TTC6: variants seen among roughly 807,000 people sequenced by gnomAD.
TTC6 encodes the protein tetratricopeptide repeat domain 6, also known as tetratricopeptide repeat protein 6.
In TTC6, 172 loss-of-function variants were observed where a neutral mutation model predicts 210.4. That is an observed-to-expected ratio of 0.82 (90% CI 0.72 to 0.93). The LOEUF (loss-of-function observed/expected upper bound fraction) is 0.93, where lower values mean the gene tolerates loss of function less well. Ranked by LOEUF, TTC6 falls within the 40% of genes least tolerant of loss-of-function variation. The pLI is 0.00. For missense variants in TTC6, 2,414 were observed against 2,318.1 expected (o/e 1.04, Z -0.85); for synonymous variants, 804 against 819.6 (o/e 0.98, Z 0.32).
At position 37,749,858 on chromosome 14, in the gene TTC6, G is replaced by C; in HGVS notation, c.2956+15G>C. The C allele has an allele frequency of 7.5e-7, 1 of 1,336,008 alleles. No homozygotes were observed. Among genetic ancestry groups the C allele is most frequent in the South Asian group, 2.0e-5 (1 of 48,920 alleles). 82.8% of individuals were successfully genotyped at this position (1,336,008 alleles called of 1,614,324 possible). Reference sequence around the variant, plus strand: ...AAATAATACAGGTGGGTTGTCTGTAGAGACAGTTATATTACCTACATTTTG... The same window carrying C: ...AAATAATACAGGTGGGTTGTCTGTACAGACAGTTATATTACCTACATTTTG... On this transcript the variant is annotated intron_variant, in intron 12 of 30. Transcript: ENST00000553443.
intron 6 of TTC6, among the ~76,000 whole-genome samples, chr14:37,717,972 C>T (rs2095855376): frequency 1.3e-5 from 2 of 152,168 alleles, no homozygotes; most frequent in African/African-American, 2.4e-5. Flanking sequence ...GGCCTTTCTG[C>T]CTTCCACCAT....
chr14:37,703,208 GC>G (rs1290470498), intron 5 of TTC6, among the ~76,000 whole-genome samples: 3 of 151,880 alleles, frequency 2.0e-5, no homozygotes, highest in Admixed American at 2.0e-4. Context: ...AGGACTTACA[GC>G]TATAATTATT....
chr14:37,824,103 G>T, intron 27 of TTC6, 146 bp downstream of exon 29: 1 of 788,828 alleles, frequency 1.3e-6, no homozygotes, highest in Non-Finnish European at 2.0e-6. Context: ...AGTAGCAGTG[G>T]GAGCAGGGGT....
At chr14:37,781,136 A>G (rs9968924) in intron 14 of TTC6, among the ~76,000 whole-genome samples, 1 of 152,178 alleles carries the variant, frequency 6.6e-6, no homozygotes, top group African/African-American at 2.4e-5. Flanking sequence ...TCCTTTGTGT[A>G]TATGCCCAGT....
chr14:37,792,385 T>C, exon 17 of TTC6: 1 of 1,517,378 alleles, frequency 6.6e-7, no homozygotes, highest in Non-Finnish European at 8.8e-7. Flanking sequence ...TATTCAAAGC[T>C]ATCTTTGTCG....
chr14:37,781,279 C>T (rs751949030), intron 14 of TTC6, among the ~76,000 whole-genome samples: 6 of 152,268 alleles, frequency 3.9e-5, no homozygotes, highest in South Asian at 2.1e-4. Flanking sequence ...TCCACAACCT[C>T]CCCAGCATCT....
At chr14:37,656,517 G>A (rs985854121) in intron 1 of TTC6, among the ~76,000 whole-genome samples, 2 of 6,882 alleles carry the variant, frequency 2.9e-4, no homozygotes, top group Admixed American at 1.8e-3. Context: ...GTGTGTGCGT[G>A]TGTGTGTGTG....
chr14:37,627,851 A>T (rs1273663207), intron 1 of TTC6, among the ~76,000 whole-genome samples: 5 of 152,120 alleles, frequency 3.3e-5, no homozygotes, highest in Admixed American at 3.3e-4. Flanking sequence ...CTGGTTCTAG[A>T]TCCTTGAGGA....
rs566178349 is a variant in TTC6, at chr14:37,600,495, TC to T, written c.-235+4493del. Among the ~76,000 whole-genome samples the T allele has an allele frequency of 3.6e-3, 537 of 150,146 alleles. 4 individuals carry two copies. Among genetic ancestry groups the T allele is most frequent in the African/African-American group, 0.012 (485 of 40,674 alleles). The stretch of plus-strand genomic sequence containing the variant: ...GCCCCCGCCAATCCACTCGCGCCCC[TC>T]CCCCCACACACCCAGGAGCTTTCCC... On this transcript the variant is annotated intron_variant, in intron 1 of 2. Coordinates refer to the TTC6 transcript ENST00000556845.
intron 14 of TTC6, among the ~76,000 whole-genome samples, chr14:37,780,862 A>G (rs1428676070): frequency 6.6e-6 from 1 of 152,058 alleles, no homozygotes; most frequent in Non-Finnish European, 1.5e-5. Flanking sequence ...CCCAGTTATG[A>G]GTGAGAATAT....
intron 14 of TTC6, among the ~76,000 whole-genome samples, chr14:37,770,266 A>G (rs1435383667): frequency 5.9e-5 from 9 of 152,234 alleles, no homozygotes; most frequent in Non-Finnish European, 1.3e-4. Flanking sequence ...GTGCTGAAAA[A>G]AATGTATATT....
At chr14:37,714,630 A>G (rs1161710907) in intron 5 of TTC6, 25 bp from the exon 8 acceptor site, 3 of 1,523,524 alleles carry the variant, frequency 2.0e-6, no homozygotes, top group East Asian at 2.5e-5. Flanking sequence ...TAAAAAGCAA[A>G]CTTATTGTTC....
At chr14:37,597,604 C>A (rs924569087) in intron 1 of TTC6, among the ~76,000 whole-genome samples, 1 of 152,034 alleles carries the variant, frequency 6.6e-6, no homozygotes, top group South Asian at 2.1e-4. Context: ...ATGGCCGAAG[C>A]GGAATTTCTC....
At chr14:37,785,070 C>A (rs1245929552) in intron 14 of TTC6, among the ~76,000 whole-genome samples, 1 of 152,128 alleles carries the variant, frequency 6.6e-6, no homozygotes, top group African/African-American at 2.4e-5. Flanking sequence ...TCCTTCATTT[C>A]AACTTTGGTG....
Position 37,695,128 on chromosome 14 carries a change from T to A in TTC6, c.1258-1589T>A, listed in dbSNP as rs575441539. Among the ~76,000 whole-genome samples, 5 of 148,102 alleles carry A rather than the reference T, an allele frequency of 3.4e-5. No homozygotes were observed. In the South Asian group the frequency reaches 1.1e-3, roughly 32 times the overall value. On this transcript the variant is annotated intron_variant, in intron 3 of 30. Transcript: ENST00000553443. Reference sequence around the variant, plus strand: ...GAGATCATTATGTTAAGTGAAATAATCCAGGCACAGAAAGACAAACATCAC... The same window carrying A: ...GAGATCATTATGTTAAGTGAAATAAACCAGGCACAGAAAGACAAACATCAC...
At chr14:37,682,851 G>A (rs943852340) in exon 3 of TTC6, 5 of 1,535,676 alleles carry the variant, frequency 3.3e-6, no homozygotes, top group Non-Finnish European at 4.4e-6. Context: ...AGAAAGCATA[G>A]TATTTAAACC....
At chr14:37,663,830 A>G (rs1362402431) in intron 1 of TTC6, among the ~76,000 whole-genome samples, 2 of 152,186 alleles carry the variant, frequency 1.3e-5, no homozygotes, top group Admixed American at 1.3e-4. Flanking sequence ...TCAGTGTGCA[A>G]AAGTTGCTAG....
At chr14:37,603,371 C>A (rs1191763202) in intron 1 of TTC6, among the ~76,000 whole-genome samples, 1 of 152,144 alleles carries the variant, frequency 6.6e-6, no homozygotes, top group Non-Finnish European at 1.5e-5. Context: ...ACGACCTCAC[C>A]CAGGGAAATG....
intron 1 of TTC6, among the ~76,000 whole-genome samples, chr14:37,638,561 A>G (rs2095685416): frequency 7.1e-6 from 1 of 140,448 alleles, no homozygotes; most frequent in African/African-American, 2.6e-5. Flanking sequence ...GGCCTATATA[A>G]TATTCTTCAA....
Sources: allele counts gnomAD v4.1 joint callset (sites outside exome capture counted in the v4.1 genomes callset), GRCh38; gene constraint gnomAD v4.1.1; transcripts MANE v1.5; gene names NCBI Gene and HGNC (gene_info 2026-07-23, HGNC 2026-07-21).